PTPRF: variants seen among roughly 807,000 people sequenced by gnomAD.
PTPRF encodes receptor-type tyrosine-protein phosphatase F.
A neutral mutation model predicts 201.8 loss-of-function variants in PTPRF; 59 were observed. The observed-to-expected ratio is 0.29, with a 90% confidence interval of 0.24 to 0.36. The LOEUF (loss-of-function observed/expected upper bound fraction) is 0.36. Among genes scored for constraint, PTPRF ranks in the 10% least tolerant of loss-of-function variants. The pLI, the probability that PTPRF is intolerant of heterozygous loss-of-function variation, is 1.00. For missense variants in PTPRF, 2,132 were observed against 2,690.5 expected, an observed-to-expected ratio of 0.79 and a Z score of 4.59; for synonymous variants, 1,088 against 1,089.7, an observed-to-expected ratio of 1.00 and a Z score of 0.03.
At chr1:43,528,690 G>A (rs1643221412), upstream of PTPRF, 1 of 152,236 alleles carries the variant, frequency 6.6e-6, no homozygotes, top group Admixed American at 6.5e-5. Context: ...GTGCAGGAGG[G>A]AAGGTCTCTG....
chr1:43,609,250 G>A (rs1209871594), intron 21 of PTPRF, 133 bp from the exon 22 acceptor site: 8 of 690,946 alleles, frequency 1.2e-5, no homozygotes, highest in Non-Finnish European at 1.7e-5. Context: ...CGCGCTCAGA[G>A]ATCCTGGGAA....
In PTPRF at chr1:43,546,953, C is replaced by G. The variant is rs554778247; in HGVS notation, c.91+1787C>G. Among the ~76,000 whole-genome samples, 170 of 152,352 alleles carry G rather than the reference C, an allele frequency of 1.1e-3. No individual in the cohort carries two copies. Among genetic ancestry groups the G allele is most frequent in the African/African-American group, 4.0e-3 (165 of 41,572 alleles). ...ATCCAAGCCACCCTCGGCTCTTGGG[C>G]TTTTGCACGCAACAGCCTCCTGACG... On this transcript the variant is annotated intron_variant, in intron 3 of 33. Coordinates refer to ENST00000359947, the MANE Select transcript of PTPRF (RefSeq NM_002840.5). The surrounding 1 kb of genome is among the most constrained non-coding windows in gnomAD (Gnocchi z 4.2).
At chr1:43,560,774 C>T (rs1645751400) in intron 5 of PTPRF, among the ~76,000 whole-genome samples, 1 of 152,136 alleles carries the variant, frequency 6.6e-6, no homozygotes. Flanking sequence ...AGGTGGGGTG[C>T]ACCAGATAGG....
At chr1:43,548,150 C>A (rs2039530) in intron 3 of PTPRF, among the ~76,000 whole-genome samples, 1 of 145,430 alleles carries the variant, frequency 6.9e-6, no homozygotes, top group African/African-American at 2.6e-5. Context: ...GGTGGGGTTG[C>A]GGGGAAGAAG....
chr1:43,555,442 C>CTTTTTTTT (rs986469997), intron 5 of PTPRF, among the ~76,000 whole-genome samples: 29 of 115,548 alleles, frequency 2.5e-4, no homozygotes, highest in Non-Finnish European at 4.5e-4. Flanking sequence ...TATCATTATT[C>CTTTTTTTT]TTTTTTTTTT....
rs530409977 is a variant in PTPRF at position 43,588,023 on chromosome 1, T to A, written c.680-708T>A. ...AGCCGTCTGTTCGGCGCCCTCATCA[T>A]GTTACTGCCATCGTCATGCCCATCC... On this transcript the variant is annotated intron_variant, in intron 7 of 33. Coordinates refer to ENST00000359947, the MANE Select transcript of PTPRF (RefSeq NM_002840.5). This position sits in a 1 kb window ranked among gnomAD's most constrained non-coding sequence, Gnocchi z 5.3. 2.6e-5 allele frequency among the ~76,000 whole-genome samples: 4 copies of A among 152,286 alleles called. No individual in the cohort carries two copies. The highest frequency in any genetic ancestry group is 9.6e-5 in the African/African-American group (4 of 41,556).
intron 3 of PTPRF, among the ~76,000 whole-genome samples, chr1:43,545,886 C>A (rs966014549): frequency 6.6e-6 from 1 of 152,330 alleles, no homozygotes; most frequent in African/African-American, 2.4e-5. Flanking sequence ...GCCCTTCCCC[C>A]TGCCTGGCAC....
Position 43,606,923 on chromosome 1 carries a change from T to C in PTPRF, c.3812T>C (p.Val1271Ala), listed in dbSNP as rs1570598703. ...MLWVTGPVLA[V>A]ILIILIVIAI... ...TGGGTGACGGGTCCCGTGCTGGCAG[T>C]CATCCTCATCATCCTCATTGTCATC... is the stretch of plus-strand genomic sequence containing the variant. The change falls in exon 21 of 34, where the codon GTC becomes GCC. Residue 1271 changes from valine to alanine, a missense_variant. By Grantham distance (64) the Val-to-Ala change is moderately conservative. Around this residue, in one of 6 missense-constraint regions of PTPRF, gnomAD observed 818 missense variants for 915.3 expected, o/e 0.89. Coordinates refer to ENST00000359947, the MANE Select transcript of PTPRF (RefSeq NM_002840.5). 1.2e-6 allele frequency: 2 copies of C among 1,614,056 alleles called. No individual in the cohort carries two copies. Among genetic ancestry groups the C allele is most frequent in the African/African-American group, 2.7e-5 (2 of 74,934 alleles).
chr1:43,541,532 G>A lies in PTPRF; in HGVS notation c.-46+3255G>A, dbSNP rs148884635. Among the ~76,000 whole-genome samples the A allele has an allele frequency of 1.3e-3, 195 of 152,236 alleles. 1 individual carries two copies. The highest frequency in any genetic ancestry group is 2.1e-3 in the East Asian group (11 of 5,188). On this transcript the variant is annotated intron_variant, in intron 2 of 33. Transcript: ENST00000359947. ...TGATTCCCAGGCTCTTTGGTTTCAC[G>A]AACCAATACAATTTCCAAAAGTACT...
Position 43,597,739 on chromosome 1 carries a change from C to G in PTPRF, c.1814-9C>G. ...ATCTGCTTGCTTCCCCCCCATTTGT[C>G]TTCCCCAGCCCCCTCCGCCCCTCCC... On this transcript the variant is annotated splice_polypyrimidine_tract_variant and intron_variant, in intron 11 of 33. Transcript: ENST00000359947. 86 of 1,140,410 alleles carry G rather than the reference C, an allele frequency of 7.5e-5. No individual in the cohort carries two copies. The highest frequency in any genetic ancestry group is 9.8e-5 in the Non-Finnish European group (79 of 805,672). The allele number at this position is 1,140,410 out of a possible 1,614,324, so 70.6% of individuals were successfully genotyped here. A position where few individuals can be genotyped will look rare whatever the true frequency, so the allele number is the denominator to read the frequency against.
chr1:43,595,557 A>G (rs1652049482), intron 11 of PTPRF, among the ~76,000 whole-genome samples: 2 of 152,180 alleles, frequency 1.3e-5, no homozygotes, highest in South Asian at 2.1e-4. Flanking sequence ...TTTCAAGCAT[A>G]TTTAAATGCT....
chr1:43,584,470 A>C (rs1308606215), intron 7 of PTPRF, among the ~76,000 whole-genome samples: 2 of 152,208 alleles, frequency 1.3e-5, no homozygotes, highest in Non-Finnish European at 2.9e-5. Context: ...GAAAACAGTC[A>C]TCAGCAGAGA....
At chr1:43,592,430 T>A in intron 10 of PTPRF, 27 bp from the exon 11 acceptor site, 1 of 1,587,094 alleles carries the variant, frequency 6.3e-7, no homozygotes, top group Non-Finnish European at 8.6e-7. Flanking sequence ...CTCAGAGCTG[T>A]CAGTGAGTGC....
chr1:43,563,805 C>T (rs1645973705), intron 5 of PTPRF, among the ~76,000 whole-genome samples: 1 of 152,106 alleles, frequency 6.6e-6, no homozygotes, highest in Non-Finnish European at 1.5e-5. Context: ...ACAAGAGTCT[C>T]CCTGGAGTAG....
At chr1:43,526,185 G>T (rs1265383715), upstream of PTPRF, among the ~76,000 whole-genome samples, 1 of 152,040 alleles carries the variant, frequency 6.6e-6, no homozygotes, top group Non-Finnish European at 1.5e-5. Flanking sequence ...AGATGAGGGA[G>T]TCCTCCTGTG....
rs1043165223 is a variant in PTPRF at position 43,603,440 on chromosome 1, C to T, written c.2365C>T (p.Pro789Ser). 6.2e-7 allele frequency: 1 copy of T among 1,614,170 alleles called. No individual in the cohort carries two copies. The highest frequency in any genetic ancestry group is 1.7e-5 in the Admixed American group (1 of 60,022). The change falls in exon 15 of 34, where the codon CCG becomes TCG. Residue 789 changes from proline to serine, a missense_variant. Physicochemically the swap from Pro to Ser is moderately conservative, Grantham distance 74. Transcript: ENST00000359947. This position sits in a 1 kb window ranked among gnomAD's most constrained non-coding sequence, Gnocchi z 5.8. ...GGAAACCACTATCAGCGGCCTGACC[C>T]CGGAGACCACCTACTCCGTTACTGT... is the stretch of plus-strand genomic sequence containing the variant. Reference protein sequence around the residue: ...DYETTISGLTPETTYSVTVAA... With the variant: ...DYETTISGLTSETTYSVTVAA...
intron 6 of PTPRF, 23 bp from the exon 7 acceptor site, chr1:43,578,787 C>T: frequency 1.9e-6 from 3 of 1,585,526 alleles, no homozygotes; most frequent in South Asian, 1.1e-5. Context: ...CCGTGCCTGA[C>T]CTCTCGCTTC....
chr1:43,577,630 C>G (rs75011349), intron 6 of PTPRF, among the ~76,000 whole-genome samples: 2,564 of 152,304 alleles, frequency 0.017, 79 homozygotes, highest in African/African-American at 0.06. Context: ...TCCTCTGGCT[C>G]CTGTCCAGTC....
chr1:43,613,016 G>A (rs752677532), intron 22 of PTPRF: 52 of 372,044 alleles, frequency 1.4e-4, no homozygotes, highest in Non-Finnish European at 2.5e-4. Flanking sequence ...CTCTCCCACC[G>A]GCCCCGTCTC....
Sources: gnomAD v4.1 joint callset for allele counts (sites outside exome capture counted in the v4.1 genomes callset) on GRCh38, gnomAD v4.1.1 for gene constraint, gnomAD v4.1.1 regional missense constraint, Gnocchi (gnomAD v3.1) non-coding constraint, MANE v1.5 for transcripts, NCBI Gene and HGNC (gene_info 2026-07-23, HGNC 2026-07-21) for gene names.